The following ZNF141 variants were observed in gnomAD, a reference collection of about 807,000 sequenced individuals.
The protein encoded by ZNF141 is zinc finger protein 141.
Under a neutral mutation model 11.3 loss-of-function variants are expected in ZNF141, and 7 were observed. The ratio of observed to expected loss-of-function variants is 0.62; its 90% CI spans 0.35 to 1.16. The LOEUF (loss-of-function observed/expected upper bound fraction) is 1.16. Ranked by LOEUF, ZNF141 falls within the 50% of genes most tolerant of loss-of-function variation. The probability of loss-of-function intolerance (pLI) is 0.02; values close to 1 mark genes in which losing one functional copy is unlikely to be tolerated. For missense variants in ZNF141, 535 were observed against 554.0 expected (o/e 0.97, Z 0.34); for synonymous variants, 183 against 190.7 (o/e 0.96, Z 0.33).
chr4:377,097 G>A lies in ZNF141; in HGVS notation c.*3235G>A, dbSNP rs1297839678. Among the ~76,000 whole-genome samples, 2 of 152,056 alleles carry A rather than the reference G, an allele frequency of 1.3e-5. No homozygotes were observed. Among genetic ancestry groups the A allele is most frequent in the Admixed American group, 6.6e-5 (1 of 15,266 alleles). On this transcript the variant is annotated 3_prime_UTR_variant, in exon 4 of 4. Coordinates refer to ENST00000240499, the MANE Select transcript of ZNF141 (RefSeq NM_003441.4). ...TTTAGTTAGAACATTTCATTTTGTTGTTTTAATTTAAGAACCCTATATAAG... is the reference window on the plus strand; with the variant it reads ...TTTAGTTAGAACATTTCATTTTGTTATTTTAATTTAAGAACCCTATATAAG...
chr4:367,608 C>A (rs1711810512), intron 3 of ZNF141, among the ~76,000 whole-genome samples: 1 of 151,354 alleles, frequency 6.6e-6, no homozygotes, highest in African/African-American at 2.4e-5. Context: ...CCTCTGCCTC[C>A]CAGGTTCAAG....
intron 3 of ZNF141, among the ~76,000 whole-genome samples, chr4:352,591 G>A (rs1721653801): frequency 6.6e-6 from 1 of 152,178 alleles, no homozygotes; most frequent in East Asian, 1.9e-4. Context: ...TATCTAAGAG[G>A]GAGCATCTTC....
chr4:379,209 C>A lies in ZNF141; in HGVS notation c.*5347C>A, dbSNP rs1289387172. ...AAGTGGCCAATTTTGGGACCTTTAG[C>A]ATCACTTGCCCTTTTAGTGTCTTAC... On this transcript the variant is annotated 3_prime_UTR_variant, in exon 4 of 4. Coordinates refer to ENST00000240499, the MANE Select transcript of ZNF141 (RefSeq NM_003441.4). Among the ~76,000 whole-genome samples, 2 of 152,070 alleles carry A rather than the reference C, an allele frequency of 1.3e-5. No individual in the cohort carries two copies. The highest frequency in any genetic ancestry group is 4.8e-5 in the African/African-American group (2 of 41,422).
chr4:364,452 C>T (rs1339012440), intron 3 of ZNF141, among the ~76,000 whole-genome samples: 2 of 152,146 alleles, frequency 1.3e-5, no homozygotes, highest in Non-Finnish European at 2.9e-5. Context: ...TTATCCATTT[C>T]TTCTAGATTT....
rs1560196716 is a variant in ZNF141 at position 369,750 on chromosome 4, A to ATTTTTTTTTTTTTTTTT, written c.227-2913_227-2912insTTTTTTTTTTTTTTTTT. ...ATTTCTTAAAGAGATATATATATAT[A>ATTTTTTTTTTTTTTTTT]TATATATATATATATTTTTTTTTTT... On this transcript the variant is annotated intron_variant, in intron 3 of 3. Transcript: ENST00000240499. Among the ~76,000 whole-genome samples, 2 of 35,194 alleles carry ATTTTTTTTTTTTTTTTT rather than the reference A, an allele frequency of 5.7e-5. 1 individual carries two copies. Among genetic ancestry groups the ATTTTTTTTTTTTTTTTT allele is most frequent in the African/African-American group, 2.7e-4 (2 of 7,388 alleles). The allele number at this position is 35,194 out of a possible 152,430, so 23.1% of individuals were successfully genotyped here.
At position 379,653 on chromosome 4, in the gene ZNF141, G is replaced by T. The variant is rs11730146; in HGVS notation, c.*5791G>T. On this transcript the variant is annotated 3_prime_UTR_variant, in exon 4 of 4. Transcript: ENST00000240499. ...CTCCCAAAGTTCTGGAATTACAGGC[G>T]TGAGCCACTGCGCCCAGCCTCTATG... Among the ~76,000 whole-genome samples the T allele has an allele frequency of 6.6e-6, 1 of 152,078 alleles. No homozygotes were observed. The highest frequency in any genetic ancestry group is 1.5e-5 in the Non-Finnish European group (1 of 68,014).
rs545339690 is a variant in ZNF141, at chr4:337,826, G to A, written c.-158G>A. 10 of 919,264 alleles carry A rather than the reference G, an allele frequency of 1.1e-5. No individual in the cohort carries two copies. The African/African-American group carries it at 1.2e-4, about 11-fold the overall frequency. 56.9% of individuals were successfully genotyped at this position (919,264 alleles called of 1,614,324 possible). On this transcript the variant is annotated 5_prime_UTR_variant, in exon 1 of 4. Transcript: ENST00000240499. ...GGATGTGGCGCGGGTCTTTGCGTCT[G>A]GCTACTACCAGACCGCGGGTTAGGG...
At chr4:350,839 A>T (rs1721560206) in intron 3 of ZNF141, among the ~76,000 whole-genome samples, 1 of 151,756 alleles carries the variant, frequency 6.6e-6, no homozygotes, top group Non-Finnish European at 1.5e-5. Context: ...TCACGGGTTC[A>T]TGCCATTCTC....
chr4:356,517 G>A (rs782043176), intron 3 of ZNF141, among the ~76,000 whole-genome samples: 26 of 151,852 alleles, frequency 1.7e-4, no homozygotes, highest in Non-Finnish European at 2.8e-4. Context: ...TGTAGAGTTG[G>A]GGTTTCACTG....
In ZNF141 at chr4:372,963, T is replaced by C. The variant is rs782099381; in HGVS notation, c.526T>C (p.Cys176Arg). 1.9e-6 allele frequency: 3 copies of C among 1,614,116 alleles called. No homozygotes were observed. Among genetic ancestry groups the C allele is most frequent in the South Asian group, 2.2e-5 (2 of 91,082 alleles). The change falls in exon 4 of 4, where the codon TGT becomes CGT. Residue 176 changes from cysteine to arginine, a missense_variant. By Grantham distance (180) the Cys-to-Arg change is radical (BLOSUM62 -3). Transcript: ENST00000240499. ...TACTGGAGAGAAACACTTTAAAGAA[T>C]GTGGCAAATCATTTCAGAAGTTTTC... ...RHTGEKHFKE[C>R]GKSFQKFSHL...
rs782259464 is a variant in ZNF141, at chr4:373,786, C to T, written c.1349C>T (p.Pro450Leu). 1 of 1,614,022 alleles carries T rather than the reference C, an allele frequency of 6.2e-7. No individual in the cohort carries two copies. Among genetic ancestry groups the T allele is most frequent in the South Asian group, 1.1e-5 (1 of 91,070 alleles). The change falls in exon 4 of 4, where the codon CCC (proline) becomes CTC (leucine). Residue 450 changes from proline to leucine, a missense_variant. Coordinates refer to ENST00000240499, the MANE Select transcript of ZNF141 (RefSeq NM_003441.4). ...AAGAAAATTCATACTGTAGATAAACCCTACAAATGTAAAGATTGTGACAAA... is the reference window on the plus strand; with the variant it reads ...AAGAAAATTCATACTGTAGATAAACTCTACAAATGTAAAGATTGTGACAAA... ...QHKKIHTVDK[P>L]YKCKDCDKAF...
At chr4:356,156 G>T (rs1166136752) in intron 3 of ZNF141, among the ~76,000 whole-genome samples, 3 of 150,836 alleles carry the variant, frequency 2.0e-5, no homozygotes, top group Non-Finnish European at 4.4e-5. Context: ...TCTTGAACCT[G>T]GGAGGCAGAG....
In ZNF141 at chr4:373,576, G is replaced by A; in HGVS notation, c.1139G>A (p.Arg380Lys). 2 of 1,608,022 alleles carry A rather than the reference G, an allele frequency of 1.2e-6. No individual in the cohort carries two copies. Among genetic ancestry groups the A allele is most frequent in the Non-Finnish European group, 1.7e-6 (2 of 1,178,254 alleles). Residue 380 changes from arginine to lysine, a missense_variant, in exon 4 of 4, where the codon AGG becomes AAG. Coordinates refer to ENST00000240499, the MANE Select transcript of ZNF141 (RefSeq NM_003441.4). Reference protein sequence around the residue: ...DECGKAFGRSRVLNEHKKIHT... With the variant: ...DECGKAFGRSKVLNEHKKIHT... The stretch of plus-strand genomic sequence containing the variant: ...TGTGGCAAAGCCTTTGGACGGTCCA[G>A]GGTCCTGAATGAACATAAAAAAATT...
chr4:359,175 A>C (rs182747470), intron 3 of ZNF141, among the ~76,000 whole-genome samples: 28 of 152,306 alleles, frequency 1.8e-4, no homozygotes, highest in Admixed American at 9.2e-4. Flanking sequence ...CGTAACTACT[A>C]CTGGGTCTAC....
intron 3 of ZNF141, among the ~76,000 whole-genome samples, chr4:357,360 A>C (rs932093164): frequency 2.3e-4 from 35 of 151,538 alleles, no homozygotes; most frequent in Middle Eastern, 3.2e-3. Flanking sequence ...TGGAGGTTGC[A>C]GTGAGCCGAG....
At chr4:342,927 A>T in intron 1 of ZNF141, 2 of 1,560,966 alleles carry the variant, frequency 1.3e-6, no homozygotes, top group East Asian at 2.2e-5. Context: ...TAGTGTCAGG[A>T]TCTACTTCAA....
rs56038510 is a variant in ZNF141, at chr4:382,864, C to T, written c.*9002C>T. The T allele has an allele frequency of 0.4, 152,091 of 377,418 alleles. 31,922 individuals are homozygous for T. The highest frequency in any genetic ancestry group is 0.57 in the African/African-American group (26,911 of 47,580). 23.4% of individuals were successfully genotyped at this position (377,418 alleles called of 1,614,324 possible). On this transcript the variant is annotated 3_prime_UTR_variant, in exon 4 of 4. Transcript: ENST00000240499. The stretch of plus-strand genomic sequence containing the variant: ...CTGCTTAGTAGCTGTGGGATAGTTA[C>T]ACAAGACACATCTACAAGAAAAGTC...
rs1308019233 is a variant in ZNF141, at chr4:380,826, T to C, written c.*6964T>C. The stretch of plus-strand genomic sequence containing the variant: ...GTAAAATCCCTCTTCAGACACAAAA[T>C]ACATGATTATCTTAAACACATTCTT... On this transcript the variant is annotated 3_prime_UTR_variant, in exon 4 of 4. Transcript: ENST00000240499. Among the ~76,000 whole-genome samples the C allele has an allele frequency of 8.5e-5, 13 of 152,230 alleles. No homozygotes were observed. Among genetic ancestry groups the C allele is most frequent in the African/African-American group, 3.1e-4 (13 of 41,548 alleles).
At chr4:358,985 T>G (rs1220241076) in intron 3 of ZNF141, among the ~76,000 whole-genome samples, 1 of 152,246 alleles carries the variant, frequency 6.6e-6, no homozygotes. Context: ...TTTTGTGCTG[T>G]TAGGTTTGCC....
Sources: allele counts gnomAD v4.1 joint callset (sites outside exome capture counted in the v4.1 genomes callset), GRCh38; gene constraint gnomAD v4.1.1; transcripts MANE v1.5; gene names NCBI Gene and HGNC (gene_info 2026-07-23, HGNC 2026-07-21).